The following ACAP2 variants were observed in gnomAD, a reference collection of about 807,000 sequenced individuals.
The protein encoded by ACAP2 is ArfGAP with coiled-coil, ankyrin repeat and PH domains 2.
A neutral mutation model predicts 115.8 loss-of-function variants in ACAP2; 39 were observed. The observed-to-expected ratio is 0.34, with a 90% confidence interval of 0.26 to 0.44. ACAP2 has a LOEUF of 0.44. ACAP2 is among the 20% of genes least tolerant of loss of function. The probability of loss-of-function intolerance (pLI) is 1.00; values close to 1 mark genes in which losing one functional copy is unlikely to be tolerated. For missense variants in ACAP2, 662 were observed against 927.6 expected, an observed-to-expected ratio of 0.71 and a Z score of 3.72; for synonymous variants, 289 against 315.8, an observed-to-expected ratio of 0.92 and a Z score of 0.90.
intron 4 of ACAP2, among the ~76,000 whole-genome samples, chr3:195,373,003 A>AAAAAAAAAAAAAAAAAAAAAAAAAAC (rs1733271321): frequency 6.7e-6 from 1 of 149,500 alleles, no homozygotes; most frequent in African/African-American, 2.4e-5. Context: ...AAAAAAAAAA[A>AAAAAAAAAAAAAAAAAAAAAAAAAAC]AAAAAAAAAG....
intron 3 of ACAP2, 31 bp downstream of exon 3, chr3:195,381,871 TC>T (rs1159314097): frequency 7.7e-6 from 12 of 1,566,086 alleles, no homozygotes; most frequent in Non-Finnish European, 1.0e-5. Context: ...CTTTTTTTTT[TC>T]ATTTTTAACT....
intron 1 of ACAP2, among the ~76,000 whole-genome samples, chr3:195,439,174 C>A (rs1715812937): frequency 6.9e-6 from 1 of 144,854 alleles, no homozygotes; most frequent in Admixed American, 7.0e-5. Flanking sequence ...AAAACTAAAG[C>A]ATACCAAGGC....
rs768410121 is a variant in ACAP2, at chr3:195,381,009, T to C, written c.285A>G (p.Thr95=). 1.9e-6 allele frequency: 3 copies of C among 1,596,484 alleles called. No individual in the cohort carries two copies. Among genetic ancestry groups the C allele is most frequent in the Non-Finnish European group, 2.6e-6 (3 of 1,175,718 alleles). ...DSLQEMINFH[T]ILFDQTQRSI... ...GTAACACCTACTTACTGACACTTAC[T>C]GTGTGAAAATTTATCATTTCTTGAA... The change falls in exon 4 of 23, where the codon ACA becomes ACG. Residue 95 remains threonine, a splice_region_variant and synonymous_variant. Transcript: ENST00000326793.
chr3:195,311,781 C>G (rs1728786475), intron 10 of ACAP2, among the ~76,000 whole-genome samples: 1 of 152,164 alleles, frequency 6.6e-6, no homozygotes, highest in Non-Finnish European at 1.5e-5. Context: ...AAGTGATCCA[C>G]CCGCCTCAGC....
chr3:195,356,138 C>T (rs969262695), intron 4 of ACAP2: 8 of 456,636 alleles, frequency 1.8e-5, no homozygotes, highest in East Asian at 6.9e-5. Context: ...CCAGCCCTCC[C>T]CCATGCGCTC....
chr3:195,289,628 G>A (rs941294040), intron 20 of ACAP2, among the ~76,000 whole-genome samples: 11 of 150,980 alleles, frequency 7.3e-5, no homozygotes, highest in African/African-American at 1.9e-4. Context: ...GTGAAACCCC[G>A]TCTCTACTAA....
intron 4 of ACAP2, among the ~76,000 whole-genome samples, chr3:195,354,288 T>C (rs979355945): frequency 1.3e-5 from 2 of 152,264 alleles, no homozygotes. Flanking sequence ...CTGTTGTGAA[T>C]AGTGCTGCAA....
At chr3:195,288,737 A>C (rs1022824545) in intron 21 of ACAP2, among the ~76,000 whole-genome samples, 2 of 152,124 alleles carry the variant, frequency 1.3e-5, no homozygotes, top group African/African-American at 2.4e-5. Flanking sequence ...TCACGCCTGT[A>C]ATCCCAGCGA....
At chr3:195,373,154 A>G (rs1733289718) in intron 4 of ACAP2, among the ~76,000 whole-genome samples, 1 of 152,082 alleles carries the variant, frequency 6.6e-6, no homozygotes, top group Admixed American at 6.6e-5. Context: ...ATTTGGAGCC[A>G]GGTGCAGTGG....
chr3:195,312,598 C>T (rs1458069676), intron 10 of ACAP2, among the ~76,000 whole-genome samples: 1 of 151,984 alleles, frequency 6.6e-6, no homozygotes, highest in African/African-American at 2.4e-5. Flanking sequence ...TCTGGAGTAG[C>T]TGGGACCACA....
intron 17 of ACAP2, 128 bp downstream of exon 17, chr3:195,295,580 T>A (rs1727589444): frequency 1.0e-6 from 1 of 992,748 alleles, no homozygotes; most frequent in East Asian, 2.5e-5. Context: ...TCAGTTTTTC[T>A]TAGAATATGT....
chr3:195,379,194 A>G (rs567694841), intron 4 of ACAP2, among the ~76,000 whole-genome samples: 6 of 152,320 alleles, frequency 3.9e-5, no homozygotes, highest in African/African-American at 1.4e-4. Context: ...CTAAAACCAT[A>G]AAACTCTTAG....
At chr3:195,437,818 A>G (rs1291456994) in intron 1 of ACAP2, among the ~76,000 whole-genome samples, 2 of 148,572 alleles carry the variant, frequency 1.3e-5, no homozygotes, top group African/African-American at 4.9e-5. Flanking sequence ...CTGTCTCAAA[A>G]AAAAAAAAAA....
chr3:195,388,180 A>G (rs1353792590), intron 2 of ACAP2, among the ~76,000 whole-genome samples: 1 of 152,220 alleles, frequency 6.6e-6, no homozygotes, highest in East Asian at 1.9e-4. Context: ...TATGCTCCCC[A>G]CCCAAAATTA....
At chr3:195,351,712 A>G (rs1191150770) in intron 4 of ACAP2, among the ~76,000 whole-genome samples, 1 of 147,664 alleles carries the variant, frequency 6.8e-6, no homozygotes, top group Non-Finnish European at 1.5e-5. Context: ...ATCCGCCCGC[A>G]TCGGCCTCCC....
At position 195,275,603 on chromosome 3, in the gene ACAP2, A is replaced by G. The variant is rs1726161495; in HGVS notation, c.*3725T>C. ...ATGATTTCAAATCATTTCATGATAC[A>G]AATAAAGTGCCTCTGACTGGTGGTC... On this transcript the variant is annotated 3_prime_UTR_variant, in exon 23 of 23. Transcript: ENST00000326793. The G allele has an allele frequency of 6.6e-6, 1 of 152,164 alleles. No homozygotes were observed. Among genetic ancestry groups the G allele is most frequent in the African/African-American group, 2.4e-5 (1 of 41,440 alleles). 9.4% of individuals were successfully genotyped at this position (152,164 alleles called of 1,614,324 possible).
At chr3:195,392,950 T>C (rs553334817) in intron 1 of ACAP2, among the ~76,000 whole-genome samples, 1 of 152,218 alleles carries the variant, frequency 6.6e-6, no homozygotes, top group Non-Finnish European at 1.5e-5. Flanking sequence ...AATTCTCAAG[T>C]AGGTATTTTA....
intron 4 of ACAP2, among the ~76,000 whole-genome samples, chr3:195,377,066 G>T (rs1298964319): frequency 6.9e-6 from 1 of 144,276 alleles, no homozygotes; most frequent in Non-Finnish European, 1.5e-5. Context: ...AATGCCTCAT[G>T]ATTTTATAAA....
intron 4 of ACAP2, among the ~76,000 whole-genome samples, chr3:195,359,963 C>G (rs573571554): frequency 6.6e-6 from 1 of 152,188 alleles, no homozygotes; most frequent in South Asian, 2.1e-4. Context: ...AAGGAAGACA[C>G]TATGGAAGAG....
Sources: allele counts gnomAD v4.1 joint callset (sites outside exome capture counted in the v4.1 genomes callset), GRCh38; gene constraint gnomAD v4.1.1; transcripts MANE v1.5; gene names NCBI Gene and HGNC (gene_info 2026-07-23, HGNC 2026-07-21).